Variants in ATRN observed in about 807,000 individuals in gnomAD.
ATRN encodes the protein attractin-2.
A neutral mutation model predicts 178.7 loss-of-function variants in ATRN; 54 were observed. That is an observed-to-expected ratio of 0.30 (90% confidence interval 0.24 to 0.38). The LOEUF (loss-of-function observed/expected upper bound fraction) is 0.38. Ranked by LOEUF, ATRN falls within the 10% of genes least tolerant of loss-of-function variation. The probability of loss-of-function intolerance (pLI) is 1.00; values close to 1 mark genes in which losing one functional copy is unlikely to be tolerated. For missense variants in ATRN, 1,443 were observed against 1,815.1 expected (o/e 0.79, Z 3.73); for synonymous variants, 636 against 663.0 (o/e 0.96, Z 0.63).
chr20:3,471,431 C>T lies in ATRN; in HGVS notation c.324C>T (p.Gly108=), dbSNP rs1447550026. 5 of 1,468,188 alleles carry T rather than the reference C, an allele frequency of 3.4e-6. No homozygotes were observed. Among genetic ancestry groups the T allele is most frequent in the Non-Finnish European group, 3.6e-6 (4 of 1,117,970 alleles). 90.9% of individuals were successfully genotyped at this position (1,468,188 alleles called of 1,614,324 possible). Residue 108 remains glycine (G), a synonymous_variant, in exon 1 of 29, where the codon GGC becomes GGT. Transcript: ENST00000262919. Reference sequence around the variant, plus strand: ...AATGTGACCGGCCCTGTGTCAACGGCGGTCGCTGCAACCCTGGCACCGGCC... The same window carrying T: ...AATGTGACCGGCCCTGTGTCAACGGTGGTCGCTGCAACCCTGGCACCGGCC... ...AKECDRPCVN[G]GRCNPGTGQC...
chr20:3,472,406 G>A (rs1057100851), intron 1 of ATRN, among the ~76,000 whole-genome samples: 2 of 152,180 alleles, frequency 1.3e-5, no homozygotes, highest in African/African-American at 4.8e-5. Context: ...GCCTTTGACA[G>A]GTATTTAGCT....
intron 1 of ATRN, among the ~76,000 whole-genome samples, chr20:3,520,388 A>G (rs1056944318): frequency 2.6e-5 from 4 of 152,210 alleles, no homozygotes; most frequent in Non-Finnish European, 5.9e-5. Context: ...TAGTAAAGAC[A>G]TATGCTTTCA....
chr20:3,531,531 A>T (rs2085453048), intron 1 of ATRN, among the ~76,000 whole-genome samples: 1 of 152,158 alleles, frequency 6.6e-6, no homozygotes, highest in African/African-American at 2.4e-5. Flanking sequence ...TGATACCTCC[A>T]TAGGTGGGAT....
At chr20:3,625,891 G>T (rs2086934200) in intron 25 of ATRN, among the ~76,000 whole-genome samples, 1 of 152,138 alleles carries the variant, frequency 6.6e-6, no homozygotes, top group Non-Finnish European at 1.5e-5. Flanking sequence ...TAACTTTTCT[G>T]TGAGCTCTCC....
At chr20:3,608,973 AAAAAAG>A (rs2086719339) in intron 24 of ATRN, among the ~76,000 whole-genome samples, 1 of 52,092 alleles carries the variant, frequency 1.9e-5, no homozygotes, top group South Asian at 1.6e-3. Flanking sequence ...GTCTCAAAAA[AAAAAAG>A]AAAAAAAAAA....
chr20:3,513,680 A>G (rs1044384398), intron 1 of ATRN, among the ~76,000 whole-genome samples: 21 of 152,048 alleles, frequency 1.4e-4, no homozygotes, highest in African/African-American at 5.1e-4. Flanking sequence ...ATGGTATTGA[A>G]TCTATAAATT....
intron 27 of ATRN, among the ~76,000 whole-genome samples, chr20:3,643,115 T>C (rs1287749042): frequency 1.3e-5 from 2 of 152,070 alleles, no homozygotes; most frequent in Non-Finnish European, 2.9e-5. Flanking sequence ...TGTGAGCCAC[T>C]GCGTAAGCCC....
At chr20:3,527,040 ACAC>A in intron 1 of ATRN, among the ~76,000 whole-genome samples, 1 of 152,240 alleles carries the variant, frequency 6.6e-6, no homozygotes, top group Admixed American at 6.5e-5. Flanking sequence ...CATGACTAAA[ACAC>A]CAAAGGCAAA....
intron 1 of ATRN, among the ~76,000 whole-genome samples, chr20:3,500,877 AAATC>A (rs2084953976): frequency 6.6e-6 from 1 of 152,106 alleles, no homozygotes; most frequent in Non-Finnish European, 1.5e-5. Context: ...ATAAAAATAA[AAATC>A]AAGTGCATAT....
At chr20:3,528,995 G>A (rs2085413133) in intron 1 of ATRN, among the ~76,000 whole-genome samples, 1 of 152,002 alleles carries the variant, frequency 6.6e-6, no homozygotes, top group Non-Finnish European at 1.5e-5. Flanking sequence ...TTGTGTTTTT[G>A]TAGAGACTAG....
At chr20:3,492,052 C>T (rs1157375216) in intron 1 of ATRN, among the ~76,000 whole-genome samples, 1 of 152,036 alleles carries the variant, frequency 6.6e-6, no homozygotes, top group African/African-American at 2.4e-5. Flanking sequence ...ACCTGATAGC[C>T]AACAGGTTGA....
intron 11 of ATRN, among the ~76,000 whole-genome samples, chr20:3,566,125 A>G (rs190701370): frequency 2.5e-4 from 38 of 152,296 alleles, no homozygotes; most frequent in Admixed American, 2.5e-3. Context: ...TCTGAATAGT[A>G]AGAAGTTTGG....
intron 21 of ATRN, 50 bp from the exon 22 acceptor site, chr20:3,597,856 C>G: frequency 8.5e-7 from 1 of 1,181,816 alleles, no homozygotes. Context: ...AAGACCTGTT[C>G]TATTTTGTGT....
chr20:3,616,928 G>A (rs188377372), intron 24 of ATRN, among the ~76,000 whole-genome samples: 2 of 129,916 alleles, frequency 1.5e-5, no homozygotes, highest in Admixed American at 1.7e-4. Flanking sequence ...ACTATACGAA[G>A]ATTTCTTAAT....
At chr20:3,566,427 A>T (rs1231220199) in intron 11 of ATRN, among the ~76,000 whole-genome samples, 3 of 152,036 alleles carry the variant, frequency 2.0e-5, no homozygotes, top group Non-Finnish European at 4.4e-5. Context: ...CACATTATTA[A>T]TTTTTCTCAT....
intron 2 of ATRN, among the ~76,000 whole-genome samples, chr20:3,535,955 C>T (rs1471533356): frequency 6.6e-6 from 1 of 151,976 alleles, no homozygotes; most frequent in African/African-American, 2.4e-5. Flanking sequence ...TAATGGTTTG[C>T]TTAAAGCATT....
chr20:3,576,863 C>A lies in ATRN; in HGVS notation c.2219C>A (p.Ser740Tyr). 6.2e-7 allele frequency: 1 copy of A among 1,614,036 alleles called. No homozygotes were observed. Among genetic ancestry groups the A allele is most frequent in the South Asian group, 1.1e-5 (1 of 91,072 alleles). ...RNHSCSEGQI[S>Y]IFRYENCPKD... ...CTTTTGTCCACTGTGTTCTAGATCT[C>A]CATTTTTAGGTATGAGAATTGCCCC... is the stretch of plus-strand genomic sequence containing the variant. Residue 740 changes from serine to tyrosine, a missense_variant, in exon 14 of 29, where the codon TCC becomes TAC. Ser to Tyr is a moderately radical substitution (Grantham distance 144). Transcript: ENST00000262919.
At chr20:3,492,862 C>CGT (rs2084818440) in intron 1 of ATRN, among the ~76,000 whole-genome samples, 3 of 123,288 alleles carry the variant, frequency 2.4e-5, no homozygotes, top group African/African-American at 7.3e-5. Context: ...GAGGCGCGCG[C>CGT]GCGCGTGCGC....
intron 15 of ATRN, among the ~76,000 whole-genome samples, chr20:3,580,932 G>T (rs960352778): frequency 1.3e-5 from 2 of 152,138 alleles, no homozygotes; most frequent in South Asian, 2.1e-4. Context: ...GTAGGCATGT[G>T]TATTTTTTCC....
Sources: allele counts gnomAD v4.1 joint callset (sites outside exome capture counted in the v4.1 genomes callset), GRCh38; gene constraint gnomAD v4.1.1; transcripts MANE v1.5; gene names NCBI Gene and HGNC (gene_info 2026-07-23, HGNC 2026-07-21).